PTK2: variants seen among roughly 807,000 people sequenced by gnomAD.
The protein encoded by PTK2 is protein tyrosine kinase 2, also known as focal adhesion kinase 1.
A neutral mutation model predicts 150.1 loss-of-function variants in PTK2; 45 were observed. The ratio of observed to expected loss-of-function variants is 0.30; its 90% CI spans 0.24 to 0.38. The LOEUF is 0.38. PTK2 is among the 10% of genes least tolerant of loss of function. The pLI is 1.00. For missense variants in PTK2, 919 were observed against 1,307.3 expected (o/e 0.70, Z 4.58); for synonymous variants, 432 against 449.2 (o/e 0.96, Z 0.48).
At chr8:140,693,045 T>C (rs2100024147) in intron 26 of PTK2, among the ~76,000 whole-genome samples, 2 of 152,068 alleles carry the variant, frequency 1.3e-5, no homozygotes, top group Non-Finnish European at 2.9e-5. Flanking sequence ...CATTAGAAAA[T>C]TATTGTGCAT....
intron 14 of PTK2, 106 bp from the exon 17 acceptor site, chr8:140,764,396 C>T (rs760391129): frequency 2.4e-6 from 2 of 823,930 alleles, no homozygotes; most frequent in Non-Finnish European, 3.9e-6. Context: ...CTCTACTACG[C>T]TGAAATATTC....
intron 1 of PTK2, among the ~76,000 whole-genome samples, chr8:141,000,127 C>CAAA (rs58481152): frequency 8.1e-6 from 1 of 123,774 alleles, no homozygotes; most frequent in African/African-American, 2.9e-5. Context: ...ACACACACAC[C>CAAA]CCTTCTTCTA....
intron 1 of PTK2, among the ~76,000 whole-genome samples, chr8:140,987,786 T>C (rs1051735580): frequency 6.6e-6 from 1 of 152,214 alleles, no homozygotes; most frequent in Non-Finnish European, 1.5e-5. Flanking sequence ...CTCACTCCTA[T>C]GACCCCAGCA....
chr8:140,676,125 C>T (rs898635601), intron 27 of PTK2, among the ~76,000 whole-genome samples: 2 of 152,056 alleles, frequency 1.3e-5, no homozygotes, highest in Non-Finnish European at 2.9e-5. Flanking sequence ...GCCTGTAATC[C>T]CAGCACTCTG....
At chr8:140,810,031 AC>A (rs2100100514) in intron 10 of PTK2, among the ~76,000 whole-genome samples, 1 of 152,126 alleles carries the variant, frequency 6.6e-6, no homozygotes, top group Admixed American at 6.5e-5. Flanking sequence ...GAAGCTGGGA[AC>A]CCTGCAAGAG....
At chr8:140,752,560 G>A (rs6993266) in intron 16 of PTK2, among the ~76,000 whole-genome samples, 99,099 of 152,198 alleles carry the variant, frequency 0.65, 34,332 homozygotes, top group African/African-American at 0.9. Flanking sequence ...ACATGTGTTA[G>A]AGATACACCA....
At chr8:140,934,412 G>A (rs1006887035) in intron 1 of PTK2, 1 of 151,652 alleles carries the variant, frequency 6.6e-6, no homozygotes, top group South Asian at 2.1e-4. Flanking sequence ...AACATAAGGA[G>A]ACTTTGTCTC....
At chr8:140,945,601 AC>A (rs892732647) in intron 1 of PTK2, among the ~76,000 whole-genome samples, 7 of 151,968 alleles carry the variant, frequency 4.6e-5, no homozygotes, top group African/African-American at 1.4e-4. Flanking sequence ...TCAAAAAAAA[AC>A]AAAACAAAAA....
At chr8:140,767,742 G>A (rs539164910) in intron 14 of PTK2, among the ~76,000 whole-genome samples, 105 of 152,284 alleles carry the variant, frequency 6.9e-4, no homozygotes, top group African/African-American at 2.3e-3. Flanking sequence ...AGAATGCTGA[G>A]AATACAGGCA....
chr8:140,983,163 G>A (rs990603608), intron 1 of PTK2, among the ~76,000 whole-genome samples: 1 of 152,040 alleles, frequency 6.6e-6, no homozygotes, highest in African/African-American at 2.4e-5. Flanking sequence ...AAGGCAGGCG[G>A]ATCTTCTGAG....
At chr8:140,949,432 T>C (rs1000296617) in intron 1 of PTK2, among the ~76,000 whole-genome samples, 9 of 152,156 alleles carry the variant, frequency 5.9e-5, no homozygotes, top group African/African-American at 2.2e-4. Flanking sequence ...TGCAGCCTCC[T>C]AGCCTCGGCT....
Position 140,881,660 on chromosome 8 carries a change from G to A in PTK2, c.196-2023C>T, listed in dbSNP as rs147639944. ...CTGATGTTGAATATAAGGCAGTAAG[G>A]AACACAAATCATTTCTCATAATTGT... On this transcript the variant is annotated intron_variant, in intron 3 of 31. Transcript: ENST00000522684. Among the ~76,000 whole-genome samples, 656 of 152,240 alleles carry A rather than the reference G, an allele frequency of 4.3e-3. 4 individuals carry two copies. The highest frequency in any genetic ancestry group is 0.015 in the African/African-American group (625 of 41,532).
At chr8:140,817,210 CAGA>C (rs1032808309) in intron 10 of PTK2, among the ~76,000 whole-genome samples, 8 of 150,836 alleles carry the variant, frequency 5.3e-5, no homozygotes, top group African/African-American at 9.8e-5. Context: ...AGGAAAAACA[CAGA>C]AGATTACTAA....
At chr8:140,972,466 T>C (rs917673865) in intron 1 of PTK2, among the ~76,000 whole-genome samples, 3 of 152,190 alleles carry the variant, frequency 2.0e-5, no homozygotes, top group East Asian at 1.9e-4. Context: ...GGTTTCACCA[T>C]GTTGGCCAGG....
chr8:140,846,733 A>G, intron 5 of PTK2, 55 bp from the exon 6 acceptor site: 1 of 1,241,078 alleles, frequency 8.1e-7, no homozygotes. Context: ...AATATTAGAT[A>G]TATGCATTCA....
intron 7 of PTK2, among the ~76,000 whole-genome samples, chr8:140,839,476 T>G (rs1263276130): frequency 6.6e-6 from 1 of 151,942 alleles, no homozygotes; most frequent in Non-Finnish European, 1.5e-5. Flanking sequence ...GCATAAAAAC[T>G]TGAAGAAATA....
chr8:140,828,602 C>T (rs1427185349), intron 8 of PTK2, among the ~76,000 whole-genome samples: 1 of 152,156 alleles, frequency 6.6e-6, no homozygotes, highest in East Asian at 1.9e-4. Flanking sequence ...TGTGACATAA[C>T]CATCAACAGA....
chr8:140,739,094 T>C (rs2100054201), exon 21 of PTK2: 1 of 1,549,418 alleles, frequency 6.5e-7, no homozygotes. Flanking sequence ...TAATAGGCAA[T>C]TTTCCTTTGG....
chr8:140,716,423 C>T (rs932571283), intron 23 of PTK2, among the ~76,000 whole-genome samples: 7 of 152,172 alleles, frequency 4.6e-5, no homozygotes, highest in African/African-American at 1.7e-4. Context: ...GACAGAGAAA[C>T]GACAGGTGTT....
Sources: gnomAD v4.1 joint callset for allele counts (sites outside exome capture counted in the v4.1 genomes callset) on GRCh38, gnomAD v4.1.1 for gene constraint, MANE v1.5 for transcripts, NCBI Gene and HGNC (gene_info 2026-07-23, HGNC 2026-07-21) for gene names.